GRIK2: variants seen among roughly 807,000 people sequenced by gnomAD.
The protein encoded by GRIK2 is glutamate ionotropic receptor kainate type subunit 2, also known as glutamate receptor ionotropic, kainate 2.
Under a neutral mutation model 100.3 loss-of-function variants are expected in GRIK2, and 32 were observed. The ratio of observed to expected loss-of-function variants is 0.32; its 90% CI spans 0.24 to 0.43. The LOEUF (loss-of-function observed/expected upper bound fraction) is 0.43, where lower values mean the gene tolerates loss of function less well. GRIK2 is among the 20% of genes least tolerant of loss of function. The pLI is 1.00. For missense variants in GRIK2, 843 were observed against 1,114.9 expected (o/e 0.76, Z 3.47); for synonymous variants, 417 against 389.4 (o/e 1.07, Z -0.83).
chr6:101,735,747 A>G (rs1775590280), intron 7 of GRIK2, among the ~76,000 whole-genome samples: 2 of 152,178 alleles, frequency 1.3e-5, no homozygotes, highest in South Asian at 2.1e-4. Context: ...AAACCATATC[A>G]TTCCTCCCCA....
chr6:101,809,611 A>T (rs1781206760), intron 9 of GRIK2, among the ~76,000 whole-genome samples: 1 of 151,976 alleles, frequency 6.6e-6, no homozygotes. Context: ...GTGACCCCCA[A>T]CTTGTCCAGG....
In GRIK2 at chr6:101,704,897, GATA is replaced by G. The variant is rs1433534036; in HGVS notation, c.951+18550_951+18552del. Among the ~76,000 whole-genome samples the G allele has an allele frequency of 2.7e-5, 4 of 149,284 alleles. No individual in the cohort carries two copies. In the Admixed American group the frequency reaches 2.7e-4, roughly 10 times the overall value. Reference sequence around the variant, plus strand: ...TAAGTTTCTCTCAACAGCCAAAATTGATAATAATTATAAATTGGCCTTTATTTT... The same window carrying G: ...TAAGTTTCTCTCAACAGCCAAAATTGATAATTATAAATTGGCCTTTATTTT... On this transcript the variant is annotated intron_variant, in intron 7 of 16. Transcript: ENST00000369134.
At chr6:101,740,875 T>C (rs1361915808) in intron 7 of GRIK2, among the ~76,000 whole-genome samples, 2 of 152,096 alleles carry the variant, frequency 1.3e-5, no homozygotes, top group Non-Finnish European at 2.9e-5. Context: ...CACGAAGCCA[T>C]TCATGAGGGT....
At chr6:101,943,463 A>G (rs2128476425) in intron 14 of GRIK2, among the ~76,000 whole-genome samples, 1 of 152,280 alleles carries the variant, frequency 6.6e-6, no homozygotes, top group African/African-American at 2.4e-5. Context: ...AACAGTTTGT[A>G]TCTTGCACCT....
chr6:101,799,501 C>T (rs1322510870), intron 7 of GRIK2, 147 bp from the exon 8 acceptor site: 6 of 617,454 alleles, frequency 9.7e-6, no homozygotes, highest in Non-Finnish European at 1.7e-5. Flanking sequence ...AGAACGAGAG[C>T]ATGTTAGAGA....
intron 14 of GRIK2, among the ~76,000 whole-genome samples, chr6:101,949,853 A>G (rs1309103420): frequency 2.0e-5 from 3 of 152,150 alleles, no homozygotes; most frequent in Admixed American, 1.3e-4. Context: ...AATTATTTAT[A>G]ATCCTTTGGG....
intron 2 of GRIK2, 152 bp from the exon 3 acceptor site, chr6:101,621,797 C>CCT (rs561190018): frequency 3.9e-5 from 23 of 591,328 alleles, no homozygotes; most frequent in Middle Eastern, 4.2e-4. Flanking sequence ...TAAATCTCTC[C>CCT]CTCTCTCTCT....
intron 14 of GRIK2, among the ~76,000 whole-genome samples, chr6:101,955,300 C>T (rs778194000): frequency 6.6e-6 from 1 of 152,028 alleles, no homozygotes; most frequent in African/African-American, 2.4e-5. Context: ...AAATGTTTGA[C>T]GGATTTCACC....
At chr6:101,495,533 A>G (rs1200992710) in intron 2 of GRIK2, among the ~76,000 whole-genome samples, 1 of 152,076 alleles carries the variant, frequency 6.6e-6, no homozygotes, top group African/African-American at 2.4e-5. Flanking sequence ...AAATAAATAA[A>G]TAAGATGCAG....
chr6:101,559,020 A>G (rs1399254233), intron 2 of GRIK2, among the ~76,000 whole-genome samples: 1 of 152,000 alleles, frequency 6.6e-6, no homozygotes, highest in Non-Finnish European at 1.5e-5. Flanking sequence ...GAGGTATTAT[A>G]CTAATTTTTA....
rs1209069767 is a variant in GRIK2, at chr6:101,582,575, A to C, written c.116-39374A>C. ...TTTTCTTTATAAATTATGCAGCCTC[A>C]GGCATTTCTTCAAAGCAGCATGAGA... is the stretch of plus-strand genomic sequence containing the variant. On this transcript the variant is annotated intron_variant, in intron 2 of 16. Transcript: ENST00000369134. Among the ~76,000 whole-genome samples, 4 of 152,136 alleles carry C rather than the reference A, an allele frequency of 2.6e-5. No homozygotes were observed. In the East Asian group the frequency reaches 7.7e-4, roughly 29 times the overall value.
At chr6:101,720,732 G>GA (rs149000394) in intron 7 of GRIK2, among the ~76,000 whole-genome samples, 10,265 of 150,188 alleles carry the variant, frequency 0.068, 480 homozygotes, top group South Asian at 0.2. Flanking sequence ...GTCCTAGAAG[G>GA]AAAAAAAAAG....
At chr6:101,722,504 A>T (rs1352438871) in intron 7 of GRIK2, among the ~76,000 whole-genome samples, 1 of 152,060 alleles carries the variant, frequency 6.6e-6, no homozygotes, top group Non-Finnish European at 1.5e-5. Context: ...TAAATACGGT[A>T]AATAGATCTG....
At chr6:101,446,111 G>T (rs1770360076) in intron 2 of GRIK2, among the ~76,000 whole-genome samples, 1 of 151,804 alleles carries the variant, frequency 6.6e-6, no homozygotes, top group African/African-American at 2.4e-5. Context: ...TGTTCCTGTT[G>T]GCCTTGGTAA....
chr6:101,682,493 A>G, intron 5 of GRIK2, 60 bp from the exon 6 acceptor site: 1 of 776,092 alleles, frequency 1.3e-6, no homozygotes. Context: ...TCTCACTTGA[A>G]TTACTGACAT....
chr6:101,561,330 G>A (rs1348399285), intron 2 of GRIK2, among the ~76,000 whole-genome samples: 1 of 151,736 alleles, frequency 6.6e-6, no homozygotes, highest in Non-Finnish European at 1.5e-5. Flanking sequence ...TAAAAAAGTA[G>A]ATCTCATGGA....
chr6:101,855,630 A>C (rs1432856149), intron 10 of GRIK2, among the ~76,000 whole-genome samples: 1 of 152,216 alleles, frequency 6.6e-6, no homozygotes, highest in Admixed American at 6.5e-5. Flanking sequence ...ATGAAGGCCA[A>C]TGCCTGGAAT....
At chr6:101,801,604 G>T (rs1034108394) in intron 8 of GRIK2, among the ~76,000 whole-genome samples, 1 of 151,754 alleles carries the variant, frequency 6.6e-6, no homozygotes, top group Non-Finnish European at 1.5e-5. Context: ...GAAAATTTCT[G>T]TATTTAACTA....
At chr6:101,465,264 C>T (rs1771580816) in intron 2 of GRIK2, among the ~76,000 whole-genome samples, 1 of 152,024 alleles carries the variant, frequency 6.6e-6, no homozygotes, top group South Asian at 2.1e-4. Flanking sequence ...CATCTCTTCC[C>T]CCTCAAACCT....
Sources: gnomAD v4.1 joint callset for allele counts (sites outside exome capture counted in the v4.1 genomes callset) on GRCh38, gnomAD v4.1.1 for gene constraint, MANE v1.5 for transcripts, NCBI Gene and HGNC (gene_info 2026-07-23, HGNC 2026-07-21) for gene names.